Variants in PTPRD observed in about 807,000 individuals in gnomAD.
The protein encoded by PTPRD is protein tyrosine phosphatase receptor type D.
Under a neutral mutation model 214.5 loss-of-function variants are expected in PTPRD, and 34 were observed. That is an observed-to-expected ratio of 0.16 (90% confidence interval 0.12 to 0.21). The LOEUF (loss-of-function observed/expected upper bound fraction) is 0.21, where lower values mean the gene tolerates loss of function less well. PTPRD is among the 10% of genes least tolerant of loss of function. The pLI is 1.00. For synonymous variants in PTPRD, 1,128 were observed against 845.7 expected (o/e 1.33, Z -5.79); for missense variants, 2,545 against 2,398.7 (o/e 1.06, Z -1.27).
intron 3 of PTPRD, among the ~76,000 whole-genome samples, chr9:10,074,318 A>G (rs181436727): frequency 1.3e-5 from 2 of 152,214 alleles, no homozygotes; most frequent in African/African-American, 2.4e-5. Context: ...GCAATGCAAA[A>G]TAGCTTGCAG....
Position 8,521,495 on chromosome 9 carries a change from A to G in PTPRD, c.743T>C (p.Met248Thr). 1 of 1,613,998 alleles carries G rather than the reference A, an allele frequency of 6.2e-7. No homozygotes were observed. The highest frequency in any genetic ancestry group is 8.5e-7 in the Non-Finnish European group (1 of 1,179,910). The change falls in exon 20 of 46, where the codon ATG (methionine) becomes ACG (threonine). Residue 248 changes from methionine to threonine, a missense_variant. By Grantham distance (81) the Met-to-Thr change is moderately conservative. Coordinates refer to ENST00000381196, the MANE Select transcript of PTPRD (RefSeq NM_002839.4). ...GGTGATATTAACGCTTCCGCCTGGC[A>G]TGATTTCATGATTAGTGGGTGGGAT... is the stretch of plus-strand genomic sequence containing the variant. ...FSIPPTNHEI[M>T]PGGSVNITCV... is the part of the protein sequence containing the mutation.
intron 36 of PTPRD, among the ~76,000 whole-genome samples, chr9:8,396,062 G>A (rs770423458): frequency 6.6e-6 from 1 of 152,042 alleles, no homozygotes; most frequent in Non-Finnish European, 1.5e-5. Context: ...AAGCAATGAA[G>A]TAGTCAACAA....
At chr9:10,189,088 T>A (rs2154317647) in intron 3 of PTPRD, among the ~76,000 whole-genome samples, 1 of 152,272 alleles carries the variant, frequency 6.6e-6, no homozygotes, top group East Asian at 1.9e-4. Context: ...GCAGCACATC[T>A]GATGTCCATT....
intron 5 of PTPRD, among the ~76,000 whole-genome samples, chr9:9,874,451 C>T (rs115428870): frequency 2.3e-4 from 35 of 152,084 alleles, no homozygotes; most frequent in African/African-American, 5.8e-4. Flanking sequence ...ACATATGCAA[C>T]GCAGAACTGG....
chr9:9,311,092 A>C (rs148630361), intron 9 of PTPRD, among the ~76,000 whole-genome samples: 1 of 152,106 alleles, frequency 6.6e-6, no homozygotes, highest in Admixed American at 6.6e-5. Flanking sequence ...AAGTTTGTAC[A>C]GGGCAAAATA....
chr9:8,553,801 C>T (rs550955293), intron 14 of PTPRD, among the ~76,000 whole-genome samples: 1 of 152,188 alleles, frequency 6.6e-6, no homozygotes, highest in East Asian at 1.9e-4. Context: ...TTGTTGTTTG[C>T]CTGTAAATTC....
chr9:10,419,287 C>T (rs79022346), intron 2 of PTPRD, among the ~76,000 whole-genome samples: 6,506 of 151,914 alleles, frequency 0.043, 202 homozygotes, highest in East Asian at 0.092. Flanking sequence ...GTTTCATTTC[C>T]GTAACACTGG....
chr9:10,520,839 A>G (rs2051975121), intron 2 of PTPRD, among the ~76,000 whole-genome samples: 1 of 151,950 alleles, frequency 6.6e-6, no homozygotes, highest in Admixed American at 6.6e-5. Flanking sequence ...ACAGCACAGT[A>G]AATAGAATAT....
chr9:9,166,711 A>G (rs16929002), intron 10 of PTPRD, among the ~76,000 whole-genome samples: 4,522 of 152,184 alleles, frequency 0.03, 231 homozygotes, highest in African/African-American at 0.1. Context: ...ATGATCCCTC[A>G]CTGGTCTTCT....
At chr9:8,692,585 T>G (rs528266277) in intron 12 of PTPRD, among the ~76,000 whole-genome samples, 1 of 152,346 alleles carries the variant, frequency 6.6e-6, no homozygotes, top group African/African-American at 2.4e-5. Context: ...GGAAAGCTAC[T>G]TTGATTTCCA....
intron 14 of PTPRD, among the ~76,000 whole-genome samples, chr9:8,532,933 G>A (rs773879659): frequency 6.6e-6 from 1 of 152,010 alleles, no homozygotes; most frequent in South Asian, 2.1e-4. Flanking sequence ...GCATCTTCCA[G>A]AGTTAACTTC....
intron 10 of PTPRD, among the ~76,000 whole-genome samples, chr9:9,069,786 T>C (rs1481054583): frequency 6.6e-6 from 1 of 152,168 alleles, no homozygotes; most frequent in Non-Finnish European, 1.5e-5. Flanking sequence ...CCTCAGGTAT[T>C]ATACAAAACC....
chr9:9,732,105 G>T (rs2098206303), intron 7 of PTPRD, among the ~76,000 whole-genome samples: 1 of 152,036 alleles, frequency 6.6e-6, no homozygotes. Flanking sequence ...TGGCCTTGAG[G>T]AATGAATAGG....
chr9:10,151,984 A>T (rs188151421), intron 3 of PTPRD, among the ~76,000 whole-genome samples: 23 of 152,330 alleles, frequency 1.5e-4, no homozygotes, highest in Middle Eastern at 3.4e-3. Context: ...GGCAAGTATG[A>T]TTGAAGCTGC....
intron 8 of PTPRD, among the ~76,000 whole-genome samples, chr9:9,478,237 A>T (rs1165890324): frequency 6.6e-6 from 1 of 152,206 alleles, no homozygotes; most frequent in East Asian, 1.9e-4. Context: ...TATGCTACAG[A>T]TTAACTGCAT....
intron 12 of PTPRD, among the ~76,000 whole-genome samples, chr9:8,668,831 C>T (rs1298626518): frequency 2.0e-5 from 3 of 152,158 alleles, no homozygotes; most frequent in Non-Finnish European, 4.4e-5. Context: ...ACAAAAAGTG[C>T]AAAGTATTCC....
intron 8 of PTPRD, among the ~76,000 whole-genome samples, chr9:9,418,253 T>A (rs2077565536): frequency 6.6e-6 from 1 of 152,034 alleles, no homozygotes. Context: ...ATTCACTTCT[T>A]GAGAAGGCCA....
At position 10,186,644 on chromosome 9, in the gene PTPRD, T is replaced by C. The variant is rs185781788; in HGVS notation, c.-544-152854A>G. ...ACATAGTAGAAAAAAATAAAATCAC[T>C]GAATGCTATAAAAATGCAGTATCGG... On this transcript the variant is annotated intron_variant, in intron 3 of 45. Transcript: ENST00000381196. Among the ~76,000 whole-genome samples the C allele has an allele frequency of 3.8e-3, 577 of 152,198 alleles. 5 individuals carry two copies. Among genetic ancestry groups the C allele is most frequent in the African/African-American group, 0.012 (497 of 41,548 alleles).
chr9:10,541,329 A>G (rs1451782711), intron 2 of PTPRD, among the ~76,000 whole-genome samples: 1 of 152,168 alleles, frequency 6.6e-6, no homozygotes, highest in South Asian at 2.1e-4. Context: ...AACATATCCA[A>G]TTGACGGAAC....
Sources: gnomAD v4.1 joint callset for allele counts (sites outside exome capture counted in the v4.1 genomes callset) on GRCh38, gnomAD v4.1.1 for gene constraint, MANE v1.5 for transcripts, NCBI Gene and HGNC (gene_info 2026-07-23, HGNC 2026-07-21) for gene names.